Variants in LIG3 observed in about 807,000 individuals in gnomAD.
LIG3 encodes DNA ligase 3.
Under a neutral mutation model 110.9 loss-of-function variants are expected in LIG3, and 58 were observed. The observed-to-expected ratio is 0.52, with a 90% CI of 0.42 to 0.65. The LOEUF is 0.65. LIG3 is among the 30% of genes least tolerant of loss of function. The probability of loss-of-function intolerance (pLI) is 0.00; values close to 1 mark genes in which losing one functional copy is unlikely to be tolerated. For missense variants in LIG3, 1,094 were observed against 1,273.8 expected (o/e 0.86, Z 2.15); for synonymous variants, 422 against 472.8 (o/e 0.89, Z 1.39).
At chr17:34,987,404 AGTATTT>A (rs2090667752) in intron 3 of LIG3, among the ~76,000 whole-genome samples, 1 of 152,190 alleles carries the variant, frequency 6.6e-6, no homozygotes, top group Non-Finnish European at 1.5e-5. Flanking sequence ...TCATGGAGTT[AGTATTT>A]GTACTGAAGT....
At position 34,983,240 on chromosome 17, in the gene LIG3, G is replaced by A; in HGVS notation, c.235G>A (p.Val79Met). ...CCTTGTTTTCTTGCCAGGGTTGCAT[G>A]TGGGACTCTGCAGTGGCCCCTGTGA... is the stretch of plus-strand genomic sequence containing the variant. The part of the protein sequence containing the change: ...TYLVFLPGLH[V>M]GLCSGPCEMA... The change falls in exon 2 of 20, where the codon GTG (valine) becomes ATG (methionine). Residue 79 changes from valine to methionine, a missense_variant. Val to Met is a conservative substitution (Grantham distance 21, BLOSUM62 1). Transcript: ENST00000378526. The A allele has an allele frequency of 3.7e-6, 6 of 1,614,234 alleles. No individual in the cohort carries two copies. The highest frequency in any genetic ancestry group is 5.1e-6 in the Non-Finnish European group (6 of 1,180,026).
Position 35,003,081 on chromosome 17 carries a change from GACTC to G in LIG3, c.2796+298_2796+301del, listed in dbSNP as rs750802959. 30 of 1,613,834 alleles carry G rather than the reference GACTC, an allele frequency of 1.9e-5. No homozygotes were observed. The Middle Eastern group carries it at 5.0e-4, about 27-fold the overall frequency. On this transcript the variant is annotated intron_variant, in intron 19 of 19. Coordinates refer to ENST00000378526, the MANE Select transcript of LIG3 (RefSeq NM_013975.4). The stretch of plus-strand genomic sequence containing the variant: ...CGGCCTAGCCAGGAGAGACTGCAGG[GACTC>G]ACTCAGCTGCTGGCCCCAAGTCAAA...
Position 34,991,787 on chromosome 17 carries a change from G to T in LIG3, c.1158G>T (p.Lys386Asn), listed in dbSNP as rs1254380992. 1 of 1,614,124 alleles carries T rather than the reference G, an allele frequency of 6.2e-7. No homozygotes were observed. The highest frequency in any genetic ancestry group is 2.2e-5 in the East Asian group (1 of 44,868). Reference sequence around the variant, plus strand: ...ATGAGTTCCTTCTGCGGCTGTCCAAGCTCACCAAGGAGGATGAGCAGCAAC... The same window carrying T: ...ATGAGTTCCTTCTGCGGCTGTCCAATCTCACCAAGGAGGATGAGCAGCAAC... The part of the protein sequence containing the change: ...EVDEFLLRLS[K>N]LTKEDEQQQA... Residue 386 changes from lysine to asparagine, a missense_variant, in exon 6 of 20, where the codon AAG becomes AAT. Transcript: ENST00000378526.
chr17:35,010,802 G>C (rs887561883), downstream of LIG3: 3 of 151,756 alleles, frequency 2.0e-5, no homozygotes, highest in Non-Finnish European at 4.4e-5. Flanking sequence ...AGTGGGCTAG[G>C]AAAGGGAATG....
chr17:35,004,825 T>G lies in LIG3; in HGVS notation c.*319T>G, dbSNP rs756902112. The G allele has an allele frequency of 6.6e-6, 2 of 304,052 alleles. No individual in the cohort carries two copies. The highest frequency in any genetic ancestry group is 1.2e-5 in the Non-Finnish European group (2 of 160,690). 18.8% of individuals were successfully genotyped at this position (304,052 alleles called of 1,614,324 possible). A position where few individuals can be genotyped will look rare whatever the true frequency, so the allele number is the denominator to read the frequency against. ...CAGTTATCTTTGTCCTTTCCCCACC[T>G]ACACCCCCAATAATTTCCCTAGAGA... On this transcript the variant is annotated 3_prime_UTR_variant, in exon 20 of 20. Transcript: ENST00000378526.
rs2090912819 is a variant in LIG3, at chr17:35,008,564, G to C, written c.*4058G>C. 6.6e-6 allele frequency: 1 copy of C among 151,982 alleles called. No homozygotes were observed. Among genetic ancestry groups the C allele is most frequent in the Non-Finnish European group, 1.5e-5 (1 of 67,992 alleles). 9.4% of individuals were successfully genotyped at this position (151,982 alleles called of 1,614,324 possible). A position where few individuals can be genotyped will look rare whatever the true frequency, so the allele number is the denominator to read the frequency against. ...TCCCACCTCAGCCTTCCAAGTAGTT[G>C]GGACTACCCACATGCACCACCATGC... On this transcript the variant is annotated 3_prime_UTR_variant, in exon 20 of 20. Coordinates refer to ENST00000378526, the MANE Select transcript of LIG3 (RefSeq NM_013975.4).
chr17:34,987,502 C>T (rs1249668185), intron 3 of LIG3, among the ~76,000 whole-genome samples: 1 of 152,172 alleles, frequency 6.6e-6, no homozygotes, highest in African/African-American at 2.4e-5. Flanking sequence ...ATTGACTCAG[C>T]TGAAGAAAAT....
At position 34,992,662 on chromosome 17, in the gene LIG3, C is replaced by G; in HGVS notation, c.1425C>G (p.Ala475=). 1 of 1,609,090 alleles carries G rather than the reference C, an allele frequency of 6.2e-7. No homozygotes were observed. The highest frequency in any genetic ancestry group is 2.2e-5 in the East Asian group (1 of 44,848). Residue 475 remains alanine (A), a synonymous_variant, in exon 8 of 20, where the codon GCC becomes GCG. Transcript: ENST00000378526. ...PGQRRALSVQ[A]SLMTPVQPML... ...AGAGACGAGCTCTGAGCGTCCAGGC[C>G]TCGCTGATGACACCTGTGCAGCCCA...
In LIG3 at chr17:35,004,597, G is replaced by C; in HGVS notation, c.*91G>C. 1 of 1,078,714 alleles carries C rather than the reference G, an allele frequency of 9.3e-7. No homozygotes were observed. Among genetic ancestry groups the C allele is most frequent in the Non-Finnish European group, 1.4e-6 (1 of 725,456 alleles). The allele number at this position is 1,078,714 out of a possible 1,614,324, so 66.8% of individuals were successfully genotyped here. ...CTGGAGGCAGATAGACACAGTATAG[G>C]GGGAATGGGCTTGCTTCTCCCAAAC... is the stretch of plus-strand genomic sequence containing the variant. On this transcript the variant is annotated 3_prime_UTR_variant, in exon 20 of 20. Transcript: ENST00000378526.
chr17:34,989,951 C>G (rs528821743), intron 4 of LIG3: 4 of 394,138 alleles, frequency 1.0e-5, no homozygotes, highest in African/African-American at 8.0e-5. Context: ...TCCTATTTGA[C>G]TAGTTAGAAA....
chr17:34,993,664 A>G (rs2090748962), intron 8 of LIG3, among the ~76,000 whole-genome samples: 1 of 152,202 alleles, frequency 6.6e-6, no homozygotes, highest in Non-Finnish European at 1.5e-5. Flanking sequence ...TCTAACCTTC[A>G]GTTTTATCAT....
At chr17:34,993,794 G>A (rs969971629) in intron 8 of LIG3, among the ~76,000 whole-genome samples, 2 of 152,154 alleles carry the variant, frequency 1.3e-5, no homozygotes, top group African/African-American at 4.8e-5. Context: ...AGCACAGGTA[G>A]GCATGTAAGT....
intron 19 of LIG3, chr17:35,003,291 A>T: frequency 6.4e-6 from 5 of 778,106 alleles, no homozygotes; most frequent in African/African-American, 5.3e-5. Flanking sequence ...GTTTGGCAAC[A>T]TCTCCTGAGC....
At chr17:34,987,865 C>T (rs1340083569) in intron 3 of LIG3, among the ~76,000 whole-genome samples, 1 of 152,088 alleles carries the variant, frequency 6.6e-6, no homozygotes, top group Non-Finnish European at 1.5e-5. Flanking sequence ...GATAACATTG[C>T]AAAAACGGTG....
Position 35,006,246 on chromosome 17 carries a change from G to A in LIG3, c.*1740G>A, listed in dbSNP as rs924896331. The A allele has an allele frequency of 3.2e-5, 5 of 154,834 alleles. No homozygotes were observed. The highest frequency in any genetic ancestry group is 7.2e-5 in the Non-Finnish European group (5 of 69,800). 9.6% of individuals were successfully genotyped at this position (154,834 alleles called of 1,614,324 possible). A position where few individuals can be genotyped will look rare whatever the true frequency, so the allele number is the denominator to read the frequency against. On this transcript the variant is annotated 3_prime_UTR_variant, in exon 20 of 20. Transcript: ENST00000378526. ...GCAGTATCCAACCAAACTAGCCACAGACAGCTGCTGAGCAATTGAAATGAA... is the reference window on the plus strand; with the variant it reads ...GCAGTATCCAACCAAACTAGCCACAAACAGCTGCTGAGCAATTGAAATGAA...
intron 3 of LIG3, among the ~76,000 whole-genome samples, chr17:34,988,692 T>A (rs2090685369): frequency 6.6e-6 from 1 of 152,178 alleles, no homozygotes; most frequent in African/African-American, 2.4e-5. Context: ...GGGTTTTATT[T>A]TGACAATAAG....
chr17:35,004,233 G>C (rs1241150758), intron 19 of LIG3, 40 bp from the exon 20 acceptor site: 4 of 1,501,200 alleles, frequency 2.7e-6, no homozygotes, highest in Non-Finnish European at 3.7e-6. Context: ...TCTGTACCCA[G>C]TGTAGGTCTG....
At chr17:34,982,300 C>T (rs764398287) in intron 1 of LIG3, among the ~76,000 whole-genome samples, 13 of 152,148 alleles carry the variant, frequency 8.5e-5, no homozygotes, top group Non-Finnish European at 1.8e-4. Context: ...ATGTGTTAAA[C>T]TTCACAATAA....
chr17:34,991,753 A>T lies in LIG3; in HGVS notation c.1124A>T (p.Gln375Leu). The change falls in exon 6 of 20, where the codon CAG becomes CTG. Residue 375 changes from glutamine (Q) to leucine (L), a missense_variant. Transcript: ENST00000378526. ...GCTGCCAAGAGCCTCCTTACCATCCAGGAAGTGGATGAGTTCCTTCTGCGG... is the reference window on the plus strand; with the variant it reads ...GCTGCCAAGAGCCTCCTTACCATCCTGGAAGTGGATGAGTTCCTTCTGCGG... ...PPAAKSLLTI[Q>L]EVDEFLLRLS... 6.2e-7 allele frequency: 1 copy of T among 1,614,120 alleles called. No individual in the cohort carries two copies. The highest frequency in any genetic ancestry group is 8.5e-7 in the Non-Finnish European group (1 of 1,180,028).
Sources: allele counts gnomAD v4.1 joint callset (sites outside exome capture counted in the v4.1 genomes callset), GRCh38; gene constraint gnomAD v4.1.1; transcripts MANE v1.5; gene names NCBI Gene and HGNC (gene_info 2026-07-23, HGNC 2026-07-21).